PGPEP1L: variants seen among roughly 807,000 people sequenced by gnomAD.
PGPEP1L encodes the protein pyroglutamyl-peptidase I like.
In PGPEP1L, 7 loss-of-function variants were observed where a neutral mutation model predicts 6.0. The observed-to-expected ratio is 1.17, with a 90% CI of 0.66 to 2.19. The LOEUF is 2.19. Ranked by LOEUF, PGPEP1L falls within the 30% of genes most tolerant of loss-of-function variation. The pLI is 0.00. For synonymous variants in PGPEP1L, 103 were observed against 83.9 expected, an observed-to-expected ratio of 1.23 and a Z score of -1.24; for missense variants, 209 against 192.5, an observed-to-expected ratio of 1.09 and a Z score of -0.51.
intron 2 of PGPEP1L, among the ~76,000 whole-genome samples, chr15:98,986,988 G>A (rs570274636): frequency 2.6e-5 from 4 of 151,834 alleles, no homozygotes; most frequent in Admixed American, 2.6e-4. Flanking sequence ...CCAATATGAT[G>A]AAACCTCGTT....
rs531330525 is a variant in PGPEP1L at position 98,997,084 on chromosome 15, T to C, written c.-142+8345A>G. On this transcript the variant is annotated intron_variant, in intron 2 of 4. Transcript: ENST00000535714. ...CCATTCTCATGACTGTAAAAAGAAA[T>C]AGAAGGGTTCAGGATCATCGAGGAT... Among the ~76,000 whole-genome samples the C allele has an allele frequency of 3.9e-5, 6 of 152,042 alleles. No individual in the cohort carries two copies. In the South Asian group the frequency reaches 1.3e-3, roughly 32 times the overall value.
intron 2 of PGPEP1L, among the ~76,000 whole-genome samples, chr15:98,995,836 C>T (rs949833219): frequency 6.6e-6 from 1 of 152,200 alleles, no homozygotes; most frequent in Non-Finnish European, 1.5e-5. Context: ...CACCTTCCTC[C>T]TCTTCACCTA....
rs1343578357 is a variant in PGPEP1L at position 98,968,389 on chromosome 15, G to A, written c.*89C>T. 2 of 1,327,768 alleles carry A rather than the reference G, an allele frequency of 1.5e-6. No homozygotes were observed. Among genetic ancestry groups the A allele is most frequent in the African/African-American group, 1.5e-5 (1 of 68,428 alleles). 82.2% of individuals were successfully genotyped at this position (1,327,768 alleles called of 1,614,324 possible). ...GTTTTCCACCCTCTTTGTCTTACAA[G>A]CAATTTTTGAAAAAGTTTCTCAATG... On this transcript the variant is annotated 3_prime_UTR_variant, in exon 5 of 5. Coordinates refer to ENST00000535714, the MANE Select transcript of PGPEP1L (RefSeq NM_001167902.2).
chr15:98,993,847 A>G (rs2017852005), intron 2 of PGPEP1L, among the ~76,000 whole-genome samples: 1 of 147,990 alleles, frequency 6.8e-6, no homozygotes, highest in Non-Finnish European at 1.5e-5. Context: ...AAAAAAAAAG[A>G]GAACACAAAA....
At chr15:98,993,069 C>T (rs752895507) in intron 2 of PGPEP1L, among the ~76,000 whole-genome samples, 9 of 152,118 alleles carry the variant, frequency 5.9e-5, no homozygotes, top group Non-Finnish European at 1.3e-4. Context: ...GACTAAAACA[C>T]CAAAAGCAAT....
At chr15:98,969,751 G>A (rs1054063485) in intron 3 of PGPEP1L, 100 bp from the exon 4 acceptor site, 2 of 1,241,850 alleles carry the variant, frequency 1.6e-6, no homozygotes, top group Non-Finnish European at 2.3e-6. Flanking sequence ...GCCCGGCTCT[G>A]TGCAAAACAT....
rs918028920 is a variant in PGPEP1L, at chr15:99,000,115, C to T, written c.-142+5314G>A. On this transcript the variant is annotated intron_variant, in intron 2 of 4. Coordinates refer to ENST00000535714, the MANE Select transcript of PGPEP1L (RefSeq NM_001167902.2). ...CGGGCCAGCGCGAATTCCGGGTGGG[C>T]GTGGGCTCCGCGGGCCCCGCACTGG... 5.3e-5 allele frequency among the ~76,000 whole-genome samples: 8 copies of T among 152,300 alleles called. No homozygotes were observed. The East Asian group carries it at 1.4e-3, about 26-fold the overall frequency.
chr15:99,001,712 TTTA>T (rs2017974055), intron 2 of PGPEP1L, among the ~76,000 whole-genome samples: 2 of 128,548 alleles, frequency 1.6e-5, no homozygotes, highest in African/African-American at 5.6e-5. Flanking sequence ...ATTTGTGTTT[TTTA>T]TTTTTGCTTG....
intron 2 of PGPEP1L, among the ~76,000 whole-genome samples, chr15:98,983,910 A>C (rs2017704801): frequency 6.6e-6 from 1 of 151,866 alleles, no homozygotes; most frequent in African/African-American, 2.4e-5. Flanking sequence ...CACCTCTCTT[A>C]GAGGCAAAAT....
intron 2 of PGPEP1L, among the ~76,000 whole-genome samples, chr15:98,999,713 C>T (rs912367507): frequency 1.3e-5 from 2 of 152,230 alleles, no homozygotes; most frequent in African/African-American, 4.8e-5. Context: ...AATCATGGTT[C>T]ACCCATCTCA....
At chr15:98,998,249 A>G (rs760404225) in intron 2 of PGPEP1L, 4 of 152,384 alleles carry the variant, frequency 2.6e-5, no homozygotes. Context: ...ACCAGGTCCC[A>G]CCCCATAAGA....
chr15:99,001,156 A>G (rs1555472957), intron 2 of PGPEP1L: 1 of 446,778 alleles, frequency 2.2e-6, no homozygotes, highest in East Asian at 7.7e-5. Flanking sequence ...TAAACTCTGG[A>G]CACGCCGCCT....
intron 2 of PGPEP1L, among the ~76,000 whole-genome samples, chr15:98,997,097 G>A (rs1397717622): frequency 6.6e-6 from 1 of 152,122 alleles, no homozygotes; most frequent in Non-Finnish European, 1.5e-5. Flanking sequence ...AAGGGTTCAG[G>A]ATCATCGAGG....
At chr15:99,007,047 C>T (rs1555473754) in intron 1 of PGPEP1L, among the ~76,000 whole-genome samples, 1 of 152,112 alleles carries the variant, frequency 6.6e-6, no homozygotes, top group Non-Finnish European at 1.5e-5. Flanking sequence ...ATTGGGATCA[C>T]CCCCGCGGAT....
rs907959400 is a variant in PGPEP1L, at chr15:98,983,058, A to G, written c.-141-11900T>C. Among the ~76,000 whole-genome samples the G allele has an allele frequency of 2.6e-5, 4 of 152,070 alleles. No individual in the cohort carries two copies. The East Asian group carries it at 7.7e-4, about 29-fold the overall frequency. On this transcript the variant is annotated intron_variant, in intron 2 of 4. Transcript: ENST00000535714. ...AGAAAACAAAACAAACCCACTCTGGACTAATTGGAAAAATGTCTGTCATAT... is the reference window on the plus strand; with the variant it reads ...AGAAAACAAAACAAACCCACTCTGGGCTAATTGGAAAAATGTCTGTCATAT...
intron 3 of PGPEP1L, 21 bp from the exon 4 acceptor site, chr15:98,969,672 A>C (rs769103611): frequency 6.2e-7 from 1 of 1,604,506 alleles, no homozygotes; most frequent in African/African-American, 1.3e-5. Context: ...GGGTAACAGC[A>C]GAGAGAACCC....
At chr15:98,992,240 T>C (rs112455806) in intron 2 of PGPEP1L, among the ~76,000 whole-genome samples, 3 of 152,256 alleles carry the variant, frequency 2.0e-5, no homozygotes, top group Middle Eastern at 3.4e-3. Flanking sequence ...TGATAAGCAA[T>C]TTCAGCAAAG....
At chr15:99,002,136 C>G (rs1041773154) in intron 2 of PGPEP1L, among the ~76,000 whole-genome samples, 30 of 152,126 alleles carry the variant, frequency 2.0e-4, no homozygotes, top group African/African-American at 7.0e-4. Context: ...GTCAGCCTCC[C>G]GAGTAGCTGG....
intron 4 of PGPEP1L, 40 bp from the exon 5 acceptor site, chr15:98,968,737 C>T: frequency 6.5e-7 from 1 of 1,528,916 alleles, no homozygotes; most frequent in South Asian, 1.2e-5. Flanking sequence ...CTCGGACCAG[C>T]CTCTAACCTC....
Sources: allele counts gnomAD v4.1 joint callset (sites outside exome capture counted in the v4.1 genomes callset), GRCh38; gene constraint gnomAD v4.1.1; transcripts MANE v1.5; gene names NCBI Gene and HGNC (gene_info 2026-07-23, HGNC 2026-07-21).